PDE1A: variants seen among roughly 807,000 people sequenced by gnomAD.
The protein encoded by PDE1A is dual specificity calcium/calmodulin-dependent 3',5'-cyclic nucleotide phosphodiesterase 1A.
Under a neutral mutation model 61.7 loss-of-function variants are expected in PDE1A, and 35 were observed. The observed-to-expected ratio is 0.57, with a 90% CI of 0.43 to 0.75. The LOEUF (loss-of-function observed/expected upper bound fraction) is 0.75. PDE1A is among the 30% of genes least tolerant of loss of function. PDE1A has a pLI of 0.00. For missense variants in PDE1A, 597 were observed against 630.6 expected, an observed-to-expected ratio of 0.95 and a Z score of 0.57; for synonymous variants, 232 against 213.2, an observed-to-expected ratio of 1.09 and a Z score of -0.77.
intron 13 of PDE1A, among the ~76,000 whole-genome samples, chr2:182,184,235 A>G (rs754618084): frequency 6.9e-6 from 1 of 144,324 alleles, no homozygotes; most frequent in Non-Finnish European, 1.5e-5. Context: ...GGATTTAAGA[A>G]GCTAGTGAAC....
At chr2:182,145,503 G>A (rs578084932), downstream of PDE1A, among the ~76,000 whole-genome samples, 1 of 152,256 alleles carries the variant, frequency 6.6e-6, no homozygotes, top group East Asian at 1.9e-4. Flanking sequence ...CGAGGCAGAC[G>A]GATTGCCTGA....
chr2:182,423,275 C>T (rs1703395252), intron 1 of PDE1A, among the ~76,000 whole-genome samples: 1 of 151,752 alleles, frequency 6.6e-6, no homozygotes, highest in African/African-American at 2.4e-5. Flanking sequence ...AAATATATAC[C>T]TAAAATTTCC....
chr2:182,508,724 A>C (rs1041718852), intron 2 of PDE1A, among the ~76,000 whole-genome samples: 16 of 146,746 alleles, frequency 1.1e-4, no homozygotes, highest in Non-Finnish European at 2.4e-4. Context: ...CCATTTGTAA[A>C]TTTCTTTTTT....
chr2:182,267,770 ATTATT>A (rs1238200458), intron 1 of PDE1A, among the ~76,000 whole-genome samples: 2 of 152,086 alleles, frequency 1.3e-5, no homozygotes, highest in African/African-American at 4.8e-5. Flanking sequence ...TATTTCGGCT[ATTATT>A]TTACTTTCTT....
At chr2:182,624,222 A>G in the PDE1A span, among the ~76,000 whole-genome samples, 1 of 152,302 alleles carries the variant, frequency 6.6e-6, no homozygotes, top group Non-Finnish European at 1.5e-5. Context: ...ATCAGCCACA[A>G]AAATTTAACT....
chr2:182,519,786 A>G (rs1003519487), intron 2 of PDE1A, among the ~76,000 whole-genome samples: 5 of 151,904 alleles, frequency 3.3e-5, no homozygotes, highest in Non-Finnish European at 7.4e-5. Flanking sequence ...CATGATTTCT[A>G]CATTTAAGGC....
At position 182,506,046 on chromosome 2, in the gene PDE1A, T is replaced by C. The variant is rs138991858; in HGVS notation, c.101+16230A>G. Among the ~76,000 whole-genome samples, 327 of 152,330 alleles carry C rather than the reference T, an allele frequency of 2.1e-3. 2 individuals are homozygous for C. The highest frequency in any genetic ancestry group is 7.0e-3 in the African/African-American group (290 of 41,578). ...AAAGTTAGAAAGGAACCCGTTAATC[T>C]ATATGCTAGCCATCTCTAAGTGCAA... On this transcript the variant is annotated intron_variant, in intron 2 of 14. Transcript: ENST00000410103.
intron 1 of PDE1A, among the ~76,000 whole-genome samples, chr2:182,423,562 A>C (rs1183910390): frequency 6.6e-6 from 1 of 152,206 alleles, no homozygotes; most frequent in Non-Finnish European, 1.5e-5. Context: ...AATCTTGAAA[A>C]TTAAATTGGA....
the PDE1A span, among the ~76,000 whole-genome samples, chr2:182,696,174 CAACT>C: frequency 6.6e-6 from 1 of 152,162 alleles, no homozygotes; most frequent in Non-Finnish European, 1.5e-5. Context: ...ATATTTACAG[CAACT>C]TTATTCATAA....
At chr2:182,618,105 G>A in the PDE1A span, among the ~76,000 whole-genome samples, 1 of 152,098 alleles carries the variant, frequency 6.6e-6, no homozygotes, top group African/African-American at 2.4e-5. Flanking sequence ...ACATTGTGTT[G>A]TTACATTTGA....
chr2:182,690,084 C>T, the PDE1A span, among the ~76,000 whole-genome samples: 12 of 152,104 alleles, frequency 7.9e-5, no homozygotes, highest in African/African-American at 1.7e-4. Context: ...GATTCACAGC[C>T]GAATTCTACC....
intron 1 of PDE1A, among the ~76,000 whole-genome samples, chr2:182,419,775 C>T (rs1259131329): frequency 6.6e-6 from 1 of 152,096 alleles, no homozygotes; most frequent in African/African-American, 2.4e-5. Flanking sequence ...AACTACATGC[C>T]TTTTGTTTCG....
the PDE1A span, among the ~76,000 whole-genome samples, chr2:182,555,787 G>C: frequency 6.6e-6 from 1 of 151,770 alleles, no homozygotes; most frequent in East Asian, 1.9e-4. Flanking sequence ...CCGACATGAT[G>C]AAACCCCTGT....
intron 2 of PDE1A, among the ~76,000 whole-genome samples, chr2:182,244,582 A>AT (rs5836830): frequency 0.71 from 107,904 of 151,426 alleles, 38,878 homozygotes; most frequent in African/African-American, 0.83. Flanking sequence ...TAATTGTATT[A>AT]TTTTTTCTAC....
intron 1 of PDE1A, among the ~76,000 whole-genome samples, chr2:182,403,370 C>CGGGT (rs529221947): frequency 0.013 from 1,932 of 151,914 alleles, 25 homozygotes; most frequent in South Asian, 0.047. Context: ...GAGGCCGAGG[C>CGGGT]GGGTGGATCA....
At chr2:182,361,683 A>G (rs1699520722) in intron 1 of PDE1A, among the ~76,000 whole-genome samples, 1 of 152,090 alleles carries the variant, frequency 6.6e-6, no homozygotes, top group Admixed American at 6.6e-5. Context: ...TGCTCACAAA[A>G]CAGCTGGATC....
intron 1 of PDE1A, among the ~76,000 whole-genome samples, chr2:182,324,834 A>C (rs1696940110): frequency 2.6e-5 from 4 of 152,188 alleles, no homozygotes; most frequent in African/African-American, 9.7e-5. Context: ...GTCACTCACA[A>C]AAAAATCAGT....
chr2:182,476,712 T>A (rs1190227108), intron 2 of PDE1A, among the ~76,000 whole-genome samples: 1 of 151,908 alleles, frequency 6.6e-6, no homozygotes, highest in Non-Finnish European at 1.5e-5. Flanking sequence ...TTTTCTAGTT[T>A]TCTAATTTTC....
chr2:182,168,551 T>A (rs1332388708), intron 13 of PDE1A, among the ~76,000 whole-genome samples: 1 of 152,116 alleles, frequency 6.6e-6, no homozygotes, highest in Non-Finnish European at 1.5e-5. Context: ...ACTTATTTTT[T>A]ACTCTACTTG....
Sources: allele counts gnomAD v4.1 joint callset (sites outside exome capture counted in the v4.1 genomes callset), GRCh38; gene constraint gnomAD v4.1.1; transcripts MANE v1.5; gene names NCBI Gene and HGNC (gene_info 2026-07-23, HGNC 2026-07-21).